Variants in PARD3B observed in about 807,000 individuals in gnomAD.
PARD3B encodes the protein par-3 family cell polarity regulator beta, also known as partitioning defective 3 homolog B.
A neutral mutation model predicts 130.2 loss-of-function variants in PARD3B; 103 were observed. The observed-to-expected ratio is 0.79, with a 90% confidence interval of 0.67 to 0.93. The LOEUF is 0.93. PARD3B is among the 40% of genes least tolerant of loss of function. PARD3B has a pLI of 0.00. For synonymous variants in PARD3B, 583 were observed against 553.2 expected, an observed-to-expected ratio of 1.05 and a Z score of -0.76; for missense variants, 1,609 against 1,499.2, an observed-to-expected ratio of 1.07 and a Z score of -1.21.
At chr2:205,430,176 A>G (rs1411326252) in intron 19 of PARD3B, among the ~76,000 whole-genome samples, 3 of 152,228 alleles carry the variant, frequency 2.0e-5, no homozygotes, top group Admixed American at 6.5e-5. Context: ...AGGGGCCTGC[A>G]GAACTCACTT....
intron 21 of PARD3B, among the ~76,000 whole-genome samples, chr2:205,551,294 C>A (rs1419194553): frequency 6.6e-6 from 1 of 150,912 alleles, no homozygotes; most frequent in Admixed American, 6.6e-5. Context: ...CACAAGAAAG[C>A]AAACCTTAGG....
chr2:205,221,484 G>A (rs1043750852), intron 15 of PARD3B, among the ~76,000 whole-genome samples: 4 of 152,200 alleles, frequency 2.6e-5, no homozygotes, highest in African/African-American at 9.7e-5. Context: ...GTCTTAGGTG[G>A]CATTAAAAAC....
rs1170811089 is a variant in PARD3B at position 205,078,629 on chromosome 2, C to A, written c.505-25797C>A. On this transcript the variant is annotated intron_variant, in intron 4 of 22. Transcript: ENST00000406610. This position sits in a 1 kb window ranked among gnomAD's most constrained non-coding sequence, Gnocchi z 4.0. ...TCAAACATGTTAATAAAATATTTGA[C>A]ACTGTTTCAGTGAAGAGCTGAGGTC... 6.6e-6 allele frequency among the ~76,000 whole-genome samples: 1 copy of A among 152,168 alleles called. No individual in the cohort carries two copies. The highest frequency in any genetic ancestry group is 1.5e-5 in the Non-Finnish European group (1 of 68,034).
intron 3 of PARD3B, among the ~76,000 whole-genome samples, chr2:205,001,399 G>T (rs1694818263): frequency 6.6e-6 from 1 of 152,124 alleles, no homozygotes; most frequent in African/African-American, 2.4e-5. Context: ...ATTTGTGTTG[G>T]AATAGGCTGA....
At chr2:204,645,381 G>A (rs1272553009) in intron 1 of PARD3B, among the ~76,000 whole-genome samples, 1 of 152,056 alleles carries the variant, frequency 6.6e-6, no homozygotes, top group Non-Finnish European at 1.5e-5. Context: ...GATTGTTTTT[G>A]TAATAAAAAT....
intron 20 of PARD3B, among the ~76,000 whole-genome samples, chr2:205,479,253 C>T (rs1432934078): frequency 1.3e-5 from 2 of 152,136 alleles, no homozygotes; most frequent in Non-Finnish European, 2.9e-5. Context: ...CCATCATTTC[C>T]TCCCTTCTCC....
intron 2 of PARD3B, among the ~76,000 whole-genome samples, chr2:204,904,417 G>A (rs537057966): frequency 6.6e-6 from 1 of 152,232 alleles, no homozygotes; most frequent in South Asian, 2.1e-4. Context: ...TAACCCAGGG[G>A]ATATTTGTTT....
intron 3 of PARD3B, among the ~76,000 whole-genome samples, chr2:204,997,263 G>A (rs1274040621): frequency 3.9e-5 from 6 of 152,246 alleles, no homozygotes; most frequent in South Asian, 4.1e-4. Flanking sequence ...AGAACTGGCC[G>A]GTTAAATTTC....
At chr2:205,389,188 C>G (rs1467494356) in intron 18 of PARD3B, among the ~76,000 whole-genome samples, 1 of 152,004 alleles carries the variant, frequency 6.6e-6, no homozygotes, top group Non-Finnish European at 1.5e-5. Context: ...TTATGGCCTA[C>G]TTTTAAGGTA....
rs138657640 is a variant in PARD3B at position 205,241,690 on chromosome 2, T to A, written c.2141-4088T>A. ...ACACTCTCTTACTCAATGCTTTTAA[T>A]TAATACTTTACTGTTTTGGAATCAA... On this transcript the variant is annotated intron_variant, in intron 15 of 22. Transcript: ENST00000406610. This position sits in a 1 kb window ranked among gnomAD's most constrained non-coding sequence, Gnocchi z 4.2. Among the ~76,000 whole-genome samples the A allele has an allele frequency of 4.4e-3, 669 of 152,318 alleles. 8 individuals are homozygous for A. Among genetic ancestry groups the A allele is most frequent in the African/African-American group, 0.015 (640 of 41,574 alleles).
At chr2:204,549,996 ATACTCC>A (rs1486013411) in intron 1 of PARD3B, among the ~76,000 whole-genome samples, 4 of 152,152 alleles carry the variant, frequency 2.6e-5, no homozygotes, top group Admixed American at 6.5e-5. Flanking sequence ...GCCATTAGGA[ATACTCC>A]TACTCCTACC....
At chr2:204,655,253 C>G (rs1021603997) in intron 1 of PARD3B, among the ~76,000 whole-genome samples, 7 of 152,192 alleles carry the variant, frequency 4.6e-5, no homozygotes, top group Non-Finnish European at 8.8e-5. Context: ...GCATTCAAGG[C>G]TACAGATTGC....
chr2:205,103,690 C>G (rs1169581390), intron 4 of PARD3B: 2 of 985,064 alleles, frequency 2.0e-6, no homozygotes, highest in African/African-American at 3.5e-5. Context: ...GGGAACAGCT[C>G]TGAGCCCTAA....
chr2:205,118,841 A>G, intron 6 of PARD3B, 80 bp from the exon 7 acceptor site: 2 of 1,003,878 alleles, frequency 2.0e-6, no homozygotes, highest in Non-Finnish European at 2.8e-6. Context: ...ATCAATATGT[A>G]TTTCTGAATA....
At position 205,185,834 on chromosome 2, in the gene PARD3B, G is replaced by C; in HGVS notation, c.1995G>C (p.Leu665=). 6.2e-7 allele frequency: 1 copy of C among 1,613,992 alleles called. No individual in the cohort carries two copies. Among genetic ancestry groups the C allele is most frequent in the Non-Finnish European group, 8.5e-7 (1 of 1,179,878 alleles). ...VPPSPTPHSA[L]GLGLEDYSHS... Reference sequence around the variant, plus strand: ...CTTCTCCAACACCACATTCTGCTCTGGGATTGGGCCTCGAAGATTACAGCC... The same window carrying C: ...CTTCTCCAACACCACATTCTGCTCTCGGATTGGGCCTCGAAGATTACAGCC... Residue 665 remains leucine, a synonymous_variant, in exon 14 of 23, where the codon CTG becomes CTC. Coordinates refer to ENST00000406610, the MANE Select transcript of PARD3B (RefSeq NM_001302769.2).
intron 2 of PARD3B, among the ~76,000 whole-genome samples, chr2:204,925,271 A>AT (rs1296189251): frequency 1.3e-5 from 2 of 152,082 alleles, no homozygotes; most frequent in East Asian, 1.9e-4. Context: ...TCAAGGAGGA[A>AT]TTTTATCTTT....
At chr2:204,882,414 G>T (rs2046090187) in intron 2 of PARD3B, among the ~76,000 whole-genome samples, 1 of 151,940 alleles carries the variant, frequency 6.6e-6, no homozygotes, top group African/African-American at 2.4e-5. Context: ...CCTAATATTG[G>T]GTAATCTACA....
intron 2 of PARD3B, among the ~76,000 whole-genome samples, chr2:204,820,350 T>C (rs1274799534): frequency 6.6e-6 from 1 of 151,236 alleles, no homozygotes; most frequent in African/African-American, 2.4e-5. Flanking sequence ...GTGCTGGGAT[T>C]ACAGGCGTGA....
intron 18 of PARD3B, among the ~76,000 whole-genome samples, chr2:205,318,036 G>A (rs1327513528): frequency 6.6e-6 from 1 of 152,038 alleles, no homozygotes; most frequent in Non-Finnish European, 1.5e-5. Context: ...AGAGCTGGAG[G>A]GAACATCGAC....
Sources: allele counts gnomAD v4.1 joint callset (sites outside exome capture counted in the v4.1 genomes callset), GRCh38; gene constraint gnomAD v4.1.1; non-coding constraint Gnocchi (gnomAD v3.1); transcripts MANE v1.5; gene names NCBI Gene and HGNC (gene_info 2026-07-23, HGNC 2026-07-21).